PCDH10: variants seen among roughly 807,000 people sequenced by gnomAD.
The protein encoded by PCDH10 is protocadherin 10.
PCDH10 carries 15 observed loss-of-function variants against 74.4 expected under a neutral mutation model. That is an observed-to-expected ratio of 0.20 (90% CI 0.13 to 0.31). The LOEUF (loss-of-function observed/expected upper bound fraction) is 0.31. Among genes scored for constraint, PCDH10 ranks in the 10% least tolerant of loss-of-function variants. The probability of loss-of-function intolerance (pLI) is 1.00; values close to 1 mark genes in which losing one functional copy is unlikely to be tolerated. For synonymous variants in PCDH10, 619 were observed against 589.8 expected (o/e 1.05, Z -0.72); for missense variants, 1,260 against 1,390.2 (o/e 0.91, Z 1.49).
chr4:133,194,967 T>C (rs184049734), downstream of PCDH10, among the ~76,000 whole-genome samples: 132 of 152,064 alleles, frequency 8.7e-4, no homozygotes, highest in Non-Finnish European at 2.7e-4. Context: ...AAGATTAACA[T>C]AGAGGTTGTA....
At chr4:133,162,887 C>A in intron 3 of PCDH10, 90 bp from the exon 4 acceptor site, 1 of 1,075,304 alleles carries the variant, frequency 9.3e-7, no homozygotes, top group South Asian at 1.8e-5. Context: ...CTTCACTTGT[C>A]ACCCTTTATG....
intron 2 of PCDH10, among the ~76,000 whole-genome samples, chr4:133,206,379 C>T (rs1728004850): frequency 6.6e-6 from 1 of 152,118 alleles, no homozygotes; most frequent in Admixed American, 6.5e-5. Flanking sequence ...AGTTGATCAC[C>T]TATATGTGCA....
At position 133,151,429 on chromosome 4, in the gene PCDH10, C is replaced by A. The variant is rs1726689672; in HGVS notation, c.1289C>A (p.Thr430Asn). ...GACCGAGAGGCGGGGGACTCCTACA[C>A]CCTGACTGTAGTGGCTCGGGACCGG... Reference protein sequence around the residue: ...PLDREAGDSYTLTVVARDRGE... With the variant: ...PLDREAGDSYNLTVVARDRGE... The change falls in exon 1 of 5, where the codon ACC becomes AAC. Residue 430 changes from threonine to asparagine, a missense_variant. Physicochemically the swap from Thr to Asn is moderately conservative, Grantham distance 65. This residue lies in a region of PCDH10 where 112 missense variants were observed against 123.6 expected (regional missense o/e 0.91). Coordinates refer to ENST00000264360, the MANE Select transcript of PCDH10 (RefSeq NM_032961.3). The A allele has an allele frequency of 6.2e-7, 1 of 1,614,080 alleles. No homozygotes were observed. The highest frequency in any genetic ancestry group is 8.5e-7 in the Non-Finnish European group (1 of 1,180,020).
chr4:133,155,257 G>A (rs190937253), intron 3 of PCDH10, among the ~76,000 whole-genome samples: 176 of 152,270 alleles, frequency 1.2e-3, no homozygotes, highest in African/African-American at 4.1e-3. Flanking sequence ...GTCAGAATAC[G>A]AAATATATCT....
rs989356995 is a variant in PCDH10 at position 133,193,969 on chromosome 4, CA to C, written c.*3811del. 5 of 151,608 alleles carry C rather than the reference CA, an allele frequency of 3.3e-5. No homozygotes were observed. Among genetic ancestry groups the C allele is most frequent in the African/African-American group, 1.2e-4 (5 of 41,368 alleles). The allele number at this position is 151,608 out of a possible 1,614,324, so 9.4% of individuals were successfully genotyped here. On this transcript the variant is annotated 3_prime_UTR_variant, in exon 5 of 5. Coordinates refer to ENST00000264360, the MANE Select transcript of PCDH10 (RefSeq NM_032961.3). ...ATTATTTTATATATTGTTAGTACTT[CA>C]ACAAACATCCCTCTGCTAAGTCAGA... is the stretch of plus-strand genomic sequence containing the variant.
At chr4:133,156,793 A>G (rs1239670570) in intron 3 of PCDH10, among the ~76,000 whole-genome samples, 1 of 152,214 alleles carries the variant, frequency 6.6e-6, no homozygotes, top group Non-Finnish European at 1.5e-5. Flanking sequence ...ATGACCCATA[A>G]TAACCTAACT....
chr4:133,186,526 C>A (rs1197353567), intron 4 of PCDH10, among the ~76,000 whole-genome samples: 15 of 152,108 alleles, frequency 9.9e-5, no homozygotes, highest in Non-Finnish European at 1.2e-4. Context: ...TAGAGATTCT[C>A]TGTGTATTTG....
rs1299199867 is a variant in PCDH10, at chr4:133,151,008, A to C, written c.868A>C (p.Ser290Arg). The C allele has an allele frequency of 1.2e-6, 2 of 1,613,774 alleles. No homozygotes were observed. Among genetic ancestry groups the C allele is most frequent in the Non-Finnish European group, 1.7e-6 (2 of 1,179,998 alleles). ...GQNGEVVYSF[S>R]SHISPRAREL... ...GAACGGTGAGGTCGTGTACTCCTTC[A>C]GCAGCCACATTTCGCCCCGGGCGCG... Residue 290 changes from serine (S) to arginine (R), a missense_variant, in exon 1 of 5, where the codon AGC (serine) becomes CGC (arginine). Physicochemically the swap from Ser to Arg is moderately radical, Grantham distance 110 (BLOSUM62 -1). This residue lies in a region of PCDH10 where 192 missense variants were observed against 161.2 expected (regional missense o/e 1.19). Transcript: ENST00000264360.
chr4:133,158,399 A>T (rs1217919853), intron 3 of PCDH10, among the ~76,000 whole-genome samples: 1 of 152,122 alleles, frequency 6.6e-6, no homozygotes, highest in Non-Finnish European at 1.5e-5. Context: ...CCTTTAAAAA[A>T]ATATGTTGAA....
intron 3 of PCDH10, among the ~76,000 whole-genome samples, chr4:133,162,169 T>C (rs931868258): frequency 6.6e-6 from 1 of 152,184 alleles, no homozygotes; most frequent in African/African-American, 2.4e-5. Flanking sequence ...ACAAGTGTGT[T>C]CCAATATAGA....
In PCDH10 at chr4:133,191,998, T is replaced by TACACAC. The variant is rs1560716555; in HGVS notation, c.*1839_*1840insCACACA. The stretch of plus-strand genomic sequence containing the variant: ...ACACACACACACACACACACACACT[T>TACACAC]AGGTCCTGATATGTACATTTAGAGT... On this transcript the variant is annotated 3_prime_UTR_variant, in exon 5 of 5. Transcript: ENST00000264360. The TACACAC allele has an allele frequency of 1.7e-3, 231 of 133,188 alleles. 1 individual carries two copies. The highest frequency in any genetic ancestry group is 6.4e-3 in the African/African-American group (218 of 33,956). 8.3% of individuals were successfully genotyped at this position (133,188 alleles called of 1,614,324 possible). A position where few individuals can be genotyped will look rare whatever the true frequency, so the allele number is the denominator to read the frequency against.
At chr4:133,175,363 G>T (rs1727274657) in intron 4 of PCDH10, among the ~76,000 whole-genome samples, 1 of 151,780 alleles carries the variant, frequency 6.6e-6, no homozygotes. Context: ...AGAACAGTGT[G>T]ACCTACATTC....
intron 1 of PCDH10, chr4:133,152,973 A>G: frequency 6.9e-7 from 1 of 1,446,300 alleles, no homozygotes; most frequent in Non-Finnish European, 9.1e-7. Context: ...ACCCTTTCAC[A>G]TTTATTTTCA....
chr4:133,150,587 A>T lies in PCDH10; in HGVS notation c.447A>T (p.Pro149=), dbSNP rs951985153. ...TCCCCTTGGAGAGCGCATTCGACCC[A>T]GACGTGGGCACCAACTCCTTGCGCG... The part of the protein sequence containing the change: ...TRFPLESAFD[P]DVGTNSLRDY... Residue 149 remains proline (P), a synonymous_variant, in exon 1 of 5, where the codon CCA becomes CCT. Transcript: ENST00000264360. 6.2e-7 allele frequency: 1 copy of T among 1,613,494 alleles called. No homozygotes were observed. The highest frequency in any genetic ancestry group is 1.3e-5 in the African/African-American group (1 of 74,792).
At position 133,191,347 on chromosome 4, in the gene PCDH10, A is replaced by T. The variant is rs1231787850; in HGVS notation, c.*1187A>T. 6.6e-6 allele frequency: 1 copy of T among 152,234 alleles called. No homozygotes were observed. Among genetic ancestry groups the T allele is most frequent in the Non-Finnish European group, 1.5e-5 (1 of 67,800 alleles). The allele number at this position is 152,234 out of a possible 1,614,324, so 9.4% of individuals were successfully genotyped here. A position where few individuals can be genotyped will look rare whatever the true frequency, so the allele number is the denominator to read the frequency against. The stretch of plus-strand genomic sequence containing the variant: ...TATGAATATATAGAGATATAGAAAC[A>T]TCTGAACTGGTAAAGAATAACTATA... On this transcript the variant is annotated 3_prime_UTR_variant, in exon 5 of 5. Coordinates refer to ENST00000264360, the MANE Select transcript of PCDH10 (RefSeq NM_032961.3).
intron 4 of PCDH10, among the ~76,000 whole-genome samples, chr4:133,169,568 G>A (rs1028309250): frequency 6.6e-6 from 1 of 151,590 alleles, no homozygotes; most frequent in Non-Finnish European, 1.5e-5. Flanking sequence ...GTACATTGAT[G>A]TAAAACTGTG....
rs973577642 is a variant in PCDH10 at position 133,194,374 on chromosome 4, A to C, written c.*4214A>C. On this transcript the variant is annotated 3_prime_UTR_variant, in exon 5 of 5. Transcript: ENST00000264360. ...GAATGATGGAACTCAGACTTCCAAT[A>C]CATTCATACATGCTAGAGCTGAAAG... The C allele has an allele frequency of 6.6e-6, 1 of 151,834 alleles. No individual in the cohort carries two copies. The highest frequency in any genetic ancestry group is 1.5e-5 in the Non-Finnish European group (1 of 67,804). 9.4% of individuals were successfully genotyped at this position (151,834 alleles called of 1,614,324 possible). A position where few individuals can be genotyped will look rare whatever the true frequency, so the allele number is the denominator to read the frequency against.
chr4:133,152,803 C>T (rs1578558540), intron 1 of PCDH10, 32 bp downstream of exon 1: 1 of 1,613,182 alleles, frequency 6.2e-7, no homozygotes, highest in East Asian at 2.2e-5. Context: ...CACCATCTCT[C>T]ATCTCCTCCA....
Position 133,152,225 on chromosome 4 carries a change from G to A in PCDH10, c.2085G>A (p.Gly695=). The change falls in exon 1 of 5, where the codon GGG becomes GGA. Residue 695 remains glycine (G), a synonymous_variant. Transcript: ENST00000264360. ...GCGGGGGCGGGAGCGGAGGCGGAGGGTCAGGAGAGCACCAGCGCCCCAGTC... is the reference window on the plus strand; with the variant it reads ...GCGGGGGCGGGAGCGGAGGCGGAGGATCAGGAGAGCACCAGCGCCCCAGTC... The part of the protein sequence containing the change: ...PQGGGGSGGG[G]SGEHQRPSRS... The A allele has an allele frequency of 6.2e-7, 1 of 1,604,090 alleles. No homozygotes were observed. Among genetic ancestry groups the A allele is most frequent in the Non-Finnish European group, 8.5e-7 (1 of 1,175,096 alleles).
Sources: gnomAD v4.1 joint callset for allele counts (sites outside exome capture counted in the v4.1 genomes callset) on GRCh38, gnomAD v4.1.1 for gene constraint, gnomAD v4.1.1 regional missense constraint, MANE v1.5 for transcripts, NCBI Gene and HGNC (gene_info 2026-07-23, HGNC 2026-07-21) for gene names.